The following NF2 variants were observed in gnomAD, a reference collection of about 807,000 sequenced individuals.
NF2 encodes merlin.
A neutral mutation model predicts 83.7 loss-of-function variants in NF2; 8 were observed. The ratio of observed to expected loss-of-function variants is 0.10; its 90% CI spans 0.06 to 0.17. NF2 has a LOEUF of 0.17. Among genes scored for constraint, NF2 ranks in the 10% least tolerant of loss-of-function variants. NF2 has a pLI of 1.00. For missense variants in NF2, 533 were observed against 744.4 expected, an observed-to-expected ratio of 0.72 and a Z score of 3.31; for synonymous variants, 266 against 269.6, an observed-to-expected ratio of 0.99 and a Z score of 0.13.
chr22:29,655,215 C>A (rs1312258608), intron 5 of NF2, among the ~76,000 whole-genome samples: 9 of 152,270 alleles, frequency 5.9e-5, no homozygotes, highest in Admixed American at 5.9e-4. Flanking sequence ...TAATAAAGGC[C>A]CGTTTCTCAC....
At chr22:29,683,450 C>A in intron 15 of NF2, 1 of 1,240,442 alleles carries the variant, frequency 8.1e-7, no homozygotes, top group Non-Finnish European at 1.0e-6. Context: ...ACTTTGGAGA[C>A]TGGTGTGTTT....
chr22:29,605,930 G>A (rs2064782056), intron 1 of NF2, among the ~76,000 whole-genome samples: 1 of 152,154 alleles, frequency 6.6e-6, no homozygotes, highest in African/African-American at 2.4e-5. Context: ...TAAAACCTGT[G>A]TGAGTGCAAT....
Position 29,681,624 on chromosome 22 carries a change from A to G in NF2, c.1737+23A>G, listed in dbSNP as rs769266354. 3 of 1,613,510 alleles carry G rather than the reference A, an allele frequency of 1.9e-6. No homozygotes were observed. In the Admixed American group the frequency reaches 5.0e-5, roughly 27 times the overall value. On this transcript the variant is annotated intron_variant, in intron 15 of 15. Coordinates refer to ENST00000338641, the MANE Select transcript of NF2 (RefSeq NM_000268.4). ...AAGGTACCCAGGGTCTCTTTCTTGT[A>G]TTTTGCTGATCAGGACCATCATTAA...
chr22:29,663,629 A>G (rs569250373), intron 8 of NF2, among the ~76,000 whole-genome samples: 1 of 152,372 alleles, frequency 6.6e-6, no homozygotes, highest in Admixed American at 6.5e-5. Flanking sequence ...AAATTCATGA[A>G]TAGCAGCCTA....
intron 8 of NF2, among the ~76,000 whole-genome samples, chr22:29,663,646 A>C (rs2066537650): frequency 6.6e-6 from 1 of 152,258 alleles, no homozygotes; most frequent in Admixed American, 6.5e-5. Flanking sequence ...CCTACACAAG[A>C]GCAACACTGC....
At chr22:29,638,980 A>T in intron 2 of NF2, 110 bp from the exon 3 acceptor site, 1 of 1,500,784 alleles carries the variant, frequency 6.7e-7, no homozygotes, top group Non-Finnish European at 9.2e-7. Context: ...GAAATGTGAT[A>T]AATTTAGTGG....
Position 29,683,094 on chromosome 22 carries a change from G to A in NF2, c.1737+1493G>A, listed in dbSNP as rs774349407. 1.9e-6 allele frequency: 3 copies of A among 1,614,094 alleles called. No individual in the cohort carries two copies. The African/African-American group carries it at 4.0e-5, about 22-fold the overall frequency. Reference sequence around the variant, plus strand: ...GTTGTTCCCAGGTACTCTCTATGTGGTGATGGTGCTGCCCTCTGTGATACT... The same window carrying A: ...GTTGTTCCCAGGTACTCTCTATGTGATGATGGTGCTGCCCTCTGTGATACT... On this transcript the variant is annotated intron_variant, in intron 15 of 15. Coordinates refer to ENST00000338641, the MANE Select transcript of NF2 (RefSeq NM_000268.4).
rs2067266613 is a variant in NF2, at chr22:29,686,178, G to A, written c.1737+4577G>A. Among the ~76,000 whole-genome samples the A allele has an allele frequency of 2.6e-5, 4 of 152,224 alleles. No homozygotes were observed. In the South Asian group the frequency reaches 8.3e-4, roughly 31 times the overall value. ...GTGCAACACTCAGTGCACAGTCAGAGCTCAGTAAGGGGTTAAAACTCTGAA... is the reference window on the plus strand; with the variant it reads ...GTGCAACACTCAGTGCACAGTCAGAACTCAGTAAGGGGTTAAAACTCTGAA... On this transcript the variant is annotated intron_variant, in intron 15 of 15. Transcript: ENST00000338641.
chr22:29,608,469 G>T (rs951907536), intron 1 of NF2, among the ~76,000 whole-genome samples: 1 of 151,358 alleles, frequency 6.6e-6, no homozygotes, highest in Non-Finnish European at 1.5e-5. Flanking sequence ...AGGAGTTCAA[G>T]ACCAGCCTGG....
At chr22:29,670,804 G>A (rs2066761157) in intron 10 of NF2, among the ~76,000 whole-genome samples, 1 of 152,108 alleles carries the variant, frequency 6.6e-6, no homozygotes, top group African/African-American at 2.4e-5. Context: ...GGGAGGTAGT[G>A]GTGGCTTTGT....
intron 1 of NF2, among the ~76,000 whole-genome samples, chr22:29,624,919 C>CTCTCTCTT (rs2065322195): frequency 6.9e-6 from 1 of 144,030 alleles, no homozygotes; most frequent in Admixed American, 6.9e-5. Flanking sequence ...CTCTCTCTCT[C>CTCTCTCTT]TCTTTCTTTC....
At chr22:29,610,145 C>T (rs755392741) in intron 1 of NF2, among the ~76,000 whole-genome samples, 2 of 151,752 alleles carry the variant, frequency 1.3e-5, no homozygotes, top group Non-Finnish European at 2.9e-5. Context: ...TGAGACCAAC[C>T]TGGGCAACAT....
At chr22:29,640,767 GC>G (rs2065785155) in intron 3 of NF2, among the ~76,000 whole-genome samples, 1 of 37,302 alleles carries the variant, frequency 2.7e-5, no homozygotes, top group Admixed American at 3.8e-4. Context: ...GGTCTGGGGG[GC>G]GTGTGTGTGT....
intron 1 of NF2, among the ~76,000 whole-genome samples, chr22:29,633,002 C>T (rs1266993273): frequency 6.6e-6 from 1 of 152,112 alleles, no homozygotes; most frequent in African/African-American, 2.4e-5. Flanking sequence ...TGAGAACCAC[C>T]CAGAGCAACT....
At chr22:29,681,195 C>A (rs1165083112) in intron 14 of NF2, among the ~76,000 whole-genome samples, 1 of 152,076 alleles carries the variant, frequency 6.6e-6, no homozygotes, top group Non-Finnish European at 1.5e-5. Flanking sequence ...TGGCCTCCTA[C>A]ACTGTTTTAT....
chr22:29,647,052 A>G (rs1601599304), intron 4 of NF2, among the ~76,000 whole-genome samples: 1 of 151,542 alleles, frequency 6.6e-6, no homozygotes, highest in African/African-American at 2.4e-5. Context: ...AAAAAAAAAA[A>G]TGTAGTCAGG....
At chr22:29,662,565 C>T (rs923482403) in intron 8 of NF2, among the ~76,000 whole-genome samples, 1 of 152,196 alleles carries the variant, frequency 6.6e-6, no homozygotes, top group Non-Finnish European at 1.5e-5. Context: ...AAATAAGTGC[C>T]GTGGAAGAGA....
chr22:29,659,861 C>T (rs1019598559), intron 7 of NF2, among the ~76,000 whole-genome samples: 2 of 152,186 alleles, frequency 1.3e-5, no homozygotes, highest in Non-Finnish European at 2.9e-5. Context: ...CAGTAGCTTT[C>T]ATGGCTTTGC....
At chr22:29,654,605 T>C in intron 4 of NF2, 52 bp from the exon 5 acceptor site, 1 of 1,478,766 alleles carries the variant, frequency 6.8e-7, no homozygotes, top group Non-Finnish European at 9.5e-7. Flanking sequence ...TGTTCAGAAA[T>C]GGCAGTTATC....
Sources: gnomAD v4.1 joint callset for allele counts (sites outside exome capture counted in the v4.1 genomes callset) on GRCh38, gnomAD v4.1.1 for gene constraint, MANE v1.5 for transcripts, NCBI Gene and HGNC (gene_info 2026-07-23, HGNC 2026-07-21) for gene names.